The following C1orf141 variants were observed in gnomAD, a reference collection of about 807,000 sequenced individuals.
C1orf141 encodes uncharacterized protein C1orf141.
Under a neutral mutation model 23.2 loss-of-function variants are expected in C1orf141, and 19 were observed. The ratio of observed to expected loss-of-function variants is 0.82; its 90% CI spans 0.57 to 1.20. The LOEUF is 1.20. C1orf141 is among the 50% of genes most tolerant of loss of function. The pLI is 0.00. For synonymous variants in C1orf141, 153 were observed against 154.6 expected (o/e 0.99, Z 0.08); for missense variants, 469 against 455.1 (o/e 1.03, Z -0.28).
At chr1:67,125,084 T>C (rs1389421189) in intron 4 of C1orf141, among the ~76,000 whole-genome samples, 1 of 152,190 alleles carries the variant, frequency 6.6e-6, no homozygotes, top group East Asian at 1.9e-4. Context: ...GGCTGTCCCT[T>C]TTAAGTGCAC....
At chr1:67,096,172 A>T in intron 6 of C1orf141, 80 bp downstream of exon 6, 1 of 722,028 alleles carries the variant, frequency 1.4e-6, no homozygotes, top group Non-Finnish European at 2.4e-6. Flanking sequence ...GAATAAATTT[A>T]TTCCTGTCAA....
At chr1:67,103,829 G>A (rs545021173) in intron 5 of C1orf141, among the ~76,000 whole-genome samples, 1 of 152,120 alleles carries the variant, frequency 6.6e-6, no homozygotes, top group East Asian at 1.9e-4. Flanking sequence ...ACAATGATCT[G>A]GCTTTTCCTA....
intron 5 of C1orf141, among the ~76,000 whole-genome samples, chr1:67,100,468 T>C (rs1389486179): frequency 6.6e-6 from 1 of 152,228 alleles, no homozygotes; most frequent in Non-Finnish European, 1.5e-5. Flanking sequence ...TCATCCTTGA[T>C]GATTATCTTT....
chr1:67,111,387 A>C (rs1041319534), intron 5 of C1orf141, among the ~76,000 whole-genome samples: 8 of 152,098 alleles, frequency 5.3e-5, no homozygotes, highest in African/African-American at 1.9e-4. Flanking sequence ...CCAACAAATA[A>C]TATATTATCT....
intron 5 of C1orf141, among the ~76,000 whole-genome samples, chr1:67,098,477 GCCA>G (rs1337679221): frequency 1.3e-5 from 2 of 152,070 alleles, no homozygotes; most frequent in Admixed American, 6.6e-5. Flanking sequence ...TGGAGATCGT[GCCA>G]CCACACTCCA....
intron 5 of C1orf141, among the ~76,000 whole-genome samples, chr1:67,097,229 G>T (rs954086778): frequency 6.6e-6 from 1 of 151,890 alleles, no homozygotes; most frequent in Non-Finnish European, 1.5e-5. Context: ...AAAAAAACCC[G>T]ACAACAACAA....
At chr1:67,112,739 A>G (rs1646102139) in intron 5 of C1orf141, among the ~76,000 whole-genome samples, 1 of 152,168 alleles carries the variant, frequency 6.6e-6, no homozygotes, top group Admixed American at 6.5e-5. Flanking sequence ...CCAAGGGGTG[A>G]ATAATTGAAA....
chr1:67,099,785 T>G (rs942506526), intron 5 of C1orf141, among the ~76,000 whole-genome samples: 1 of 152,040 alleles, frequency 6.6e-6, no homozygotes, highest in Non-Finnish European at 1.5e-5. Flanking sequence ...TCAAAAGAAA[T>G]AAATAAGTAA....
chr1:67,138,562 C>T (rs1646605140), upstream of C1orf141, among the ~76,000 whole-genome samples: 1 of 152,062 alleles, frequency 6.6e-6, no homozygotes, highest in Non-Finnish European at 1.5e-5. Context: ...TTGTTTCCTT[C>T]CTAGGCTTGA....
At chr1:67,098,903 G>T (rs777225569) in intron 5 of C1orf141, among the ~76,000 whole-genome samples, 3 of 152,088 alleles carry the variant, frequency 2.0e-5, no homozygotes, top group Non-Finnish European at 4.4e-5. Context: ...GACAAAGGGA[G>T]AATTAATGAA....
At chr1:67,110,867 A>G (rs996963526) in intron 5 of C1orf141, among the ~76,000 whole-genome samples, 2 of 149,538 alleles carry the variant, frequency 1.3e-5, no homozygotes, top group Non-Finnish European at 3.0e-5. Context: ...TGCAACAAAA[A>G]TTTGTTATTA....
intron 1 of C1orf141, among the ~76,000 whole-genome samples, chr1:67,141,567 A>G (rs1204381409): frequency 1.3e-5 from 2 of 152,122 alleles, no homozygotes; most frequent in East Asian, 3.9e-4. Context: ...AGACCAGCGT[A>G]GGCAACACAG....
chr1:67,110,425 CTAGA>C (rs1646043259), intron 5 of C1orf141, among the ~76,000 whole-genome samples: 1 of 152,030 alleles, frequency 6.6e-6, no homozygotes, highest in Non-Finnish European at 1.5e-5. Flanking sequence ...TTGATTTTCA[CTAGA>C]TAATGTTTAA....
intron 5 of C1orf141, among the ~76,000 whole-genome samples, chr1:67,112,693 C>T (rs72922833): frequency 0.098 from 14,924 of 151,854 alleles, 1,153 homozygotes; most frequent in African/African-American, 0.21. Context: ...AGAGTGAGAC[C>T]GTGTCAGAAA....
At chr1:67,100,075 GCA>G (rs1335461149) in intron 5 of C1orf141, among the ~76,000 whole-genome samples, 46 of 152,100 alleles carry the variant, frequency 3.0e-4, no homozygotes, top group Middle Eastern at 6.8e-3. Flanking sequence ...TTAATGTAAT[GCA>G]CAGTTTGATA....
intron 5 of C1orf141, among the ~76,000 whole-genome samples, chr1:67,113,955 T>C (rs1317557121): frequency 2.6e-5 from 4 of 152,140 alleles, no homozygotes; most frequent in Non-Finnish European, 5.9e-5. Flanking sequence ...AGAACTCAGA[T>C]AGGGAAGCCC....
At chr1:67,095,933 T>C (rs1187139369) in intron 6 of C1orf141, 2 of 205,606 alleles carry the variant, frequency 9.7e-6, no homozygotes, top group Non-Finnish European at 1.9e-5. Flanking sequence ...GATGGAAGGG[T>C]TCATGAGAAA....
Position 67,093,458 on chromosome 1 carries a change from A to G in C1orf141, c.750T>C (p.Asn250=), listed in dbSNP as rs758560674. ...HKRTNFILER[N]CEILKSIIGN... ...CAATTATAGATTTGAGGATTTCACA[A>G]TTTCTTTCTAAAATGAAATTTGTTC... The change falls in exon 8 of 8, where the codon AAT becomes AAC. Residue 250 remains asparagine (N), a synonymous_variant. Transcript: ENST00000684719. 1 of 1,610,816 alleles carries G rather than the reference A, an allele frequency of 6.2e-7. No individual in the cohort carries two copies. The highest frequency in any genetic ancestry group is 1.1e-5 in the South Asian group (1 of 90,648).
At chr1:67,124,542 C>G (rs1646366347) in intron 4 of C1orf141, among the ~76,000 whole-genome samples, 1 of 152,198 alleles carries the variant, frequency 6.6e-6, no homozygotes, top group Admixed American at 6.5e-5. Flanking sequence ...TGGTCTCAAA[C>G]TCCTGACCTC....
Sources: gnomAD v4.1 joint callset for allele counts (sites outside exome capture counted in the v4.1 genomes callset) on GRCh38, gnomAD v4.1.1 for gene constraint, MANE v1.5 for transcripts, NCBI Gene and HGNC (gene_info 2026-07-23, HGNC 2026-07-21) for gene names.